FUT8: variants seen among roughly 807,000 people sequenced by gnomAD.
FUT8 encodes alpha-(1,6)-fucosyltransferase.
A neutral mutation model predicts 71.3 loss-of-function variants in FUT8; 29 were observed. The observed-to-expected ratio is 0.41, with a 90% CI of 0.30 to 0.55. The LOEUF is 0.55. Among genes scored for constraint, FUT8 ranks in the 20% least tolerant of loss-of-function variants. The pLI is 0.34. For synonymous variants in FUT8, 254 were observed against 239.3 expected (o/e 1.06, Z -0.57); for missense variants, 544 against 702.1 (o/e 0.77, Z 2.55).
In FUT8 at chr14:65,467,333, T is replaced by A. The variant is rs569643027; in HGVS notation, c.-228+11615T>A. On this transcript the variant is annotated intron_variant, in intron 2 of 10. Coordinates refer to ENST00000673929, the MANE Select transcript of FUT8 (RefSeq NM_001371533.1). The surrounding 1 kb of genome is among the most constrained non-coding windows in gnomAD (Gnocchi z 4.1). ...ATTTTTTTGAGATGGAGTCTCATTC[T>A]GTTACTCAGGCTGGAGTGCAGTGGC... Among the ~76,000 whole-genome samples, 1 of 152,208 alleles carries A rather than the reference T, an allele frequency of 6.6e-6. No individual in the cohort carries two copies. The highest frequency in any genetic ancestry group is 1.5e-5 in the Non-Finnish European group (1 of 68,030).
chr14:65,689,538 GTTTGTTTT>G (rs1277945113), intron 7 of FUT8, among the ~76,000 whole-genome samples: 3 of 152,006 alleles, frequency 2.0e-5, no homozygotes, highest in Non-Finnish European at 4.4e-5. Context: ...TTGTTTGTTT[GTTTGTTTT>G]TTTGTTTTTT....
In FUT8 at chr14:65,607,229, G is replaced by C. The variant is rs1160532220; in HGVS notation, c.204-8749G>C. Among the ~76,000 whole-genome samples the C allele has an allele frequency of 6.6e-6, 1 of 151,810 alleles. No homozygotes were observed. The highest frequency in any genetic ancestry group is 1.5e-5 in the Non-Finnish European group (1 of 67,892). On this transcript the variant is annotated intron_variant, in intron 3 of 10. Transcript: ENST00000673929. This position sits in a 1 kb window ranked among gnomAD's most constrained non-coding sequence, Gnocchi z 4.1. The stretch of plus-strand genomic sequence containing the variant: ...CCTCAGCTAAGGCCTTCAGTACAGT[G>C]ATGAATAGAAGCATAGATGGCAGGC...
intron 6 of FUT8, among the ~76,000 whole-genome samples, chr14:65,653,712 C>G (rs765702890): frequency 6.6e-6 from 1 of 152,134 alleles, no homozygotes; most frequent in Non-Finnish European, 1.5e-5. Context: ...AAAACTGTAT[C>G]GTTTGTTTTG....
chr14:65,533,058 C>T (rs1303336765), intron 2 of FUT8, among the ~76,000 whole-genome samples: 3 of 152,050 alleles, frequency 2.0e-5, no homozygotes, highest in African/African-American at 4.8e-5. Context: ...TTACTATAGT[C>T]GCATGATATA....
intron 2 of FUT8, among the ~76,000 whole-genome samples, chr14:65,521,511 G>A (rs1266838558): frequency 6.6e-6 from 1 of 152,136 alleles, no homozygotes; most frequent in African/African-American, 2.4e-5. Flanking sequence ...AGAATGGTCA[G>A]GGAAGATTTC....
At chr14:65,374,607 T>C in the FUT8 span, among the ~76,000 whole-genome samples, 1 of 152,034 alleles carries the variant, frequency 6.6e-6, no homozygotes, top group Non-Finnish European at 1.5e-5. Flanking sequence ...TTTTGTTTTT[T>C]TTTTTTTGAT....
intron 7 of FUT8, among the ~76,000 whole-genome samples, chr14:65,684,991 C>A (rs1006506851): frequency 1.3e-5 from 2 of 152,030 alleles, no homozygotes; most frequent in African/African-American, 4.8e-5. Flanking sequence ...TAATCAAATG[C>A]CATTTTGTAT....
chr14:65,531,383 C>A (rs1883946671), intron 2 of FUT8, among the ~76,000 whole-genome samples: 1 of 151,760 alleles, frequency 6.6e-6, no homozygotes, highest in Non-Finnish European at 1.5e-5. Context: ...ACTTGAAAAT[C>A]TTAGGGGAGT....
rs558449587 is a variant in FUT8 at position 65,434,772 on chromosome 14, G to A, written c.-325-20849G>A. Reference sequence around the variant, plus strand: ...GATAACCATTTGTAGATCTGGTAGTGAAAAGCCCCCCCACCTTTTTTTTCT... The same window carrying A: ...GATAACCATTTGTAGATCTGGTAGTAAAAAGCCCCCCCACCTTTTTTTTCT... On this transcript the variant is annotated intron_variant, in intron 1 of 10. Transcript: ENST00000673929. Among the ~76,000 whole-genome samples, 74 of 152,152 alleles carry A rather than the reference G, an allele frequency of 4.9e-4. No individual in the cohort carries two copies. The South Asian group carries it at 0.015, about 31-fold the overall frequency.
At chr14:65,387,137 C>T in the FUT8 span, among the ~76,000 whole-genome samples, 4 of 152,020 alleles carry the variant, frequency 2.6e-5, no homozygotes, top group African/African-American at 9.7e-5. Context: ...CCACCATGCC[C>T]GGCTAAATAT....
intron 2 of FUT8, among the ~76,000 whole-genome samples, chr14:65,458,787 C>G (rs1049961786): frequency 6.9e-6 from 1 of 144,766 alleles, no homozygotes; most frequent in Non-Finnish European, 1.5e-5. Context: ...CTTTTCTTTT[C>G]TTTCTTTTTT....
intron 3 of FUT8, among the ~76,000 whole-genome samples, chr14:65,594,862 G>A (rs568551403): frequency 6.6e-5 from 10 of 152,152 alleles, no homozygotes; most frequent in Admixed American, 3.3e-4. Flanking sequence ...GCTGAGTCTG[G>A]GGTCTTTATA....
intron 6 of FUT8, among the ~76,000 whole-genome samples, chr14:65,667,890 A>G (rs1242281307): frequency 1.3e-5 from 2 of 152,162 alleles, no homozygotes; most frequent in Non-Finnish European, 2.9e-5. Context: ...GACCAGTGGT[A>G]CAGAATGGAG....
At position 65,542,969 on chromosome 14, in the gene FUT8, A is replaced by G. The variant is rs1487247654; in HGVS notation, c.-227-18368A>G. Among the ~76,000 whole-genome samples the G allele has an allele frequency of 2.6e-5, 4 of 152,004 alleles. No individual in the cohort carries two copies. In the East Asian group the frequency reaches 5.8e-4, roughly 22 times the overall value. On this transcript the variant is annotated intron_variant, in intron 2 of 10. Coordinates refer to ENST00000673929, the MANE Select transcript of FUT8 (RefSeq NM_001371533.1). The stretch of plus-strand genomic sequence containing the variant: ...GGCTAATTTTGTATTTTTAGTAGAG[A>G]TGGGGTTTCACCATGTTGGTCAGGC...
chr14:65,400,368 A>G, the FUT8 span, among the ~76,000 whole-genome samples: 4 of 152,186 alleles, frequency 2.6e-5, no homozygotes, highest in African/African-American at 7.2e-5. Flanking sequence ...ATCCAGAGCT[A>G]TACCTCATAT....
chr14:65,420,414 GC>G (rs2065275889), intron 1 of FUT8, among the ~76,000 whole-genome samples: 1 of 152,044 alleles, frequency 6.6e-6, no homozygotes, highest in South Asian at 2.1e-4. Context: ...ACCAAACTTG[GC>G]CAGAACACAT....
intron 3 of FUT8, among the ~76,000 whole-genome samples, chr14:65,576,866 C>T (rs1033751563): frequency 4.0e-5 from 6 of 151,678 alleles, no homozygotes; most frequent in Admixed American, 6.6e-5. Flanking sequence ...ATTATAGGCA[C>T]GCGTCGCCAT....
At chr14:65,512,968 C>A (rs1241568674) in intron 2 of FUT8, among the ~76,000 whole-genome samples, 3 of 151,630 alleles carry the variant, frequency 2.0e-5, no homozygotes, top group Non-Finnish European at 4.4e-5. Flanking sequence ...CAAGACCATC[C>A]TTTTCTTAGT....
chr14:65,738,030 G>C (rs1253694408), intron 10 of FUT8, among the ~76,000 whole-genome samples: 1 of 152,058 alleles, frequency 6.6e-6, no homozygotes, highest in Admixed American at 6.6e-5. Context: ...GAAAGCACAG[G>C]GTGAAATCCC....
Sources: allele counts gnomAD v4.1 joint callset (sites outside exome capture counted in the v4.1 genomes callset), GRCh38; gene constraint gnomAD v4.1.1; non-coding constraint Gnocchi (gnomAD v3.1); transcripts MANE v1.5; gene names NCBI Gene and HGNC (gene_info 2026-07-23, HGNC 2026-07-21).